The following MPP4 variants were observed in gnomAD, a reference collection of about 807,000 sequenced individuals.
MPP4 encodes MAGUK p55 scaffold protein 4, also known as MAGUK p55 subfamily member 4.
In MPP4, 91 loss-of-function variants were observed where a neutral mutation model predicts 98.3. That is an observed-to-expected ratio of 0.93 (90% CI 0.78 to 1.10). The LOEUF (loss-of-function observed/expected upper bound fraction) is 1.10, where lower values mean the gene tolerates loss of function less well. Among genes scored for constraint, MPP4 ranks in the 50% least tolerant of loss-of-function variants. The pLI, the probability that MPP4 is intolerant of heterozygous loss-of-function variation, is 0.00. For synonymous variants in MPP4, 261 were observed against 271.8 expected, an observed-to-expected ratio of 0.96 and a Z score of 0.39; for missense variants, 744 against 792.9, an observed-to-expected ratio of 0.94 and a Z score of 0.74.
chr2:201,645,103 T>C lies in MPP4; in HGVS notation c.*107A>G. The C allele has an allele frequency of 2.5e-5, 24 of 957,072 alleles. No individual in the cohort carries two copies. Among genetic ancestry groups the C allele is most frequent in the Non-Finnish European group, 3.4e-5 (24 of 703,430 alleles). 59.3% of individuals were successfully genotyped at this position (957,072 alleles called of 1,614,324 possible). On this transcript the variant is annotated 3_prime_UTR_variant, in exon 22 of 22. Transcript: ENST00000409474. ...ATTAATTAATAAATTGCTGCACTTT[T>C]AAAGTTGTACACATTAAAATGGGTC...
In MPP4 at chr2:201,664,065, C is replaced by T; in HGVS notation, c.1072+16G>A. On this transcript the variant is annotated intron_variant, in intron 14 of 21. Transcript: ENST00000409474. The stretch of plus-strand genomic sequence containing the variant: ...TACATTTAAAAATCAGTACCAAATA[C>T]TCATTTTTTACTTACCAGATTCAAA... The T allele has an allele frequency of 6.7e-7, 1 of 1,498,776 alleles. No individual in the cohort carries two copies. Among genetic ancestry groups the T allele is most frequent in the Non-Finnish European group, 9.0e-7 (1 of 1,105,478 alleles). The allele number at this position is 1,498,776 out of a possible 1,614,324, so 92.8% of individuals were successfully genotyped here.
In MPP4 at chr2:201,645,338, C is replaced by CA. The variant is rs777782740; in HGVS notation, c.1785dup (p.Asp596Ter). 2 of 1,613,908 alleles carry CA rather than the reference C, an allele frequency of 1.2e-6. No homozygotes were observed. Among genetic ancestry groups the CA allele is most frequent in the East Asian group, 2.2e-5 (1 of 44,876 alleles). ...AAGCTGTCATTCACAATCACATGAT[C>CA]AAAAAATTGGCCAAACTGAGTTTCC... On this transcript the variant is annotated frameshift_variant, in exon 22 of 22. Transcript: ENST00000409474. LOFTEE classifies it high-confidence loss of function.
At position 201,649,696 on chromosome 2, in the gene MPP4, G is replaced by C. The variant is rs774908361; in HGVS notation, c.1476-12C>G. ...CATACTCCAGCATCCTGCAAGAGCA[G>C]GCCAAACAAAACAGAACACTTTCTA... On this transcript the variant is annotated splice_polypyrimidine_tract_variant and intron_variant, in intron 19 of 21. Coordinates refer to ENST00000409474, the MANE Select transcript of MPP4 (RefSeq NM_033066.3). 1.1e-5 allele frequency: 17 copies of C among 1,586,326 alleles called. No homozygotes were observed. The highest frequency in any genetic ancestry group is 1.4e-5 in the Non-Finnish European group (16 of 1,159,860).
chr2:201,676,694 G>A (rs1399008470), intron 10 of MPP4, among the ~76,000 whole-genome samples: 3 of 152,214 alleles, frequency 2.0e-5, no homozygotes, highest in African/African-American at 7.2e-5. Context: ...GAGGTCAGGA[G>A]TTCGAGACCA....
At chr2:201,664,450 G>A (rs1467822266) in intron 13 of MPP4, 7 of 1,050,296 alleles carry the variant, frequency 6.7e-6, no homozygotes, top group African/African-American at 5.0e-5. Flanking sequence ...GATACTGCTC[G>A]GCTTTGCTGC....
chr2:201,666,393 G>A (rs1397490802), intron 12 of MPP4, 21 bp from the exon 13 acceptor site: 1 of 1,517,666 alleles, frequency 6.6e-7, no homozygotes, highest in Non-Finnish European at 8.9e-7. Flanking sequence ...GTATAGAAAG[G>A]GAGAAACAGA....
intron 1 of MPP4, chr2:201,697,960 T>C: frequency 1.0e-6 from 1 of 985,428 alleles, no homozygotes; most frequent in South Asian, 4.7e-5. Flanking sequence ...TGTACCAAAT[T>C]TGTCAGTTGA....
At chr2:201,659,004 T>C (rs1031645731) in intron 15 of MPP4, among the ~76,000 whole-genome samples, 10 of 152,134 alleles carry the variant, frequency 6.6e-5, no homozygotes, top group African/African-American at 2.2e-4. Context: ...CAAGTGATTC[T>C]CCTGCCTCAG....
rs561883403 is a variant in MPP4, at chr2:201,680,523, T to A, written c.929+315A>T. 128 of 237,034 alleles carry A rather than the reference T, an allele frequency of 5.4e-4. 1 individual carries two copies. The highest frequency in any genetic ancestry group is 2.8e-3 in the African/African-American group (125 of 45,188). 14.7% of individuals were successfully genotyped at this position (237,034 alleles called of 1,614,324 possible). ...TAAAGGCCCCGCCTCTTAATACTAT[T>A]GCATTGGGGATTAGGTCTCAACATA... On this transcript the variant is annotated intron_variant, in intron 10 of 21. Coordinates refer to ENST00000409474, the MANE Select transcript of MPP4 (RefSeq NM_033066.3).
At chr2:201,647,617 G>T in intron 21 of MPP4, 74 bp downstream of exon 21, 1 of 1,518,888 alleles carries the variant, frequency 6.6e-7, no homozygotes, top group Non-Finnish European at 9.0e-7. Context: ...AGAGATCCTT[G>T]GCCCAGCCCA....
intron 14 of MPP4, among the ~76,000 whole-genome samples, chr2:201,661,220 CT>C (rs11400020): frequency 2.1e-3 from 299 of 140,616 alleles, no homozygotes; most frequent in Non-Finnish European, 2.6e-3. Context: ...CATATCCAGC[CT>C]TTTTTTTTTT....
chr2:201,696,729 A>G (rs1034837619), intron 1 of MPP4, among the ~76,000 whole-genome samples: 1 of 152,222 alleles, frequency 6.6e-6, no homozygotes, highest in Non-Finnish European at 1.5e-5. Flanking sequence ...AGTGAATGCA[A>G]TGGTTAAAAT....
In MPP4 at chr2:201,658,528, A is replaced by G. The variant is rs752328954; in HGVS notation, c.1088-10T>C. On this transcript the variant is annotated splice_polypyrimidine_tract_variant and intron_variant, in intron 15 of 21. Transcript: ENST00000409474. Reference sequence around the variant, plus strand: ...ACAAACTCCTCCTTGTCTGAAACACAAAGAACAGATGGAGCAGAATATGTG... The same window carrying G: ...ACAAACTCCTCCTTGTCTGAAACACGAAGAACAGATGGAGCAGAATATGTG... The G allele has an allele frequency of 1.2e-6, 2 of 1,611,674 alleles. No individual in the cohort carries two copies. The highest frequency in any genetic ancestry group is 1.7e-6 in the Non-Finnish European group (2 of 1,178,942).
At chr2:201,664,345 A>AAATAAAATAATAGAAGGTG (rs1688108226) in intron 13 of MPP4, 1 of 1,406,166 alleles carries the variant, frequency 7.1e-7, no homozygotes, top group African/African-American at 1.4e-5. Context: ...AGCTCAAAAT[A>AAATAAAATAATAGAAGGTG]AATAAAATAA....
intron 15 of MPP4, among the ~76,000 whole-genome samples, chr2:201,659,218 T>C (rs1003105463): frequency 6.6e-6 from 1 of 152,096 alleles, no homozygotes; most frequent in African/African-American, 2.4e-5. Flanking sequence ...GTTTATAATT[T>C]TTTTTTTCTG....
intron 11 of MPP4, among the ~76,000 whole-genome samples, chr2:201,674,750 G>A (rs1482285596): frequency 6.6e-6 from 1 of 152,148 alleles, no homozygotes; most frequent in Non-Finnish European, 1.5e-5. Flanking sequence ...CCTGAATTCT[G>A]CTAAGGTGTA....
intron 12 of MPP4, among the ~76,000 whole-genome samples, chr2:201,668,299 G>A (rs998532585): frequency 8.5e-5 from 13 of 152,102 alleles, no homozygotes; most frequent in Non-Finnish European, 1.6e-4. Context: ...ATATGTTGAA[G>A]CCCTTGCCCT....
At chr2:201,675,411 G>C in intron 10 of MPP4, 140 bp from the exon 11 acceptor site, 1 of 804,372 alleles carries the variant, frequency 1.2e-6, no homozygotes, top group African/African-American at 1.7e-5. Context: ...AAGGGTGATT[G>C]CTTCTCCAAA....
At position 201,647,723 on chromosome 2, in the gene MPP4, T is replaced by C. The variant is rs780082826; in HGVS notation, c.1687A>G (p.Ile563Val). ...TTCATGTCCACATAGTAGTCAGTAA[T>C]AACCTTGGCATTTTTCCGAGATTGT... ...MKQSRKNAKV[I>V]TDYYVDMKFK... Residue 563 changes from isoleucine (I) to valine (V), a missense_variant, in exon 21 of 22, where the codon ATT becomes GTT. Coordinates refer to ENST00000409474, the MANE Select transcript of MPP4 (RefSeq NM_033066.3). 1.9e-6 allele frequency: 3 copies of C among 1,613,948 alleles called. No homozygotes were observed. Among genetic ancestry groups the C allele is most frequent in the Non-Finnish European group, 2.5e-6 (3 of 1,179,846 alleles).
Sources: gnomAD v4.1 joint callset for allele counts (sites outside exome capture counted in the v4.1 genomes callset) on GRCh38, gnomAD v4.1.1 for gene constraint, MANE v1.5 for transcripts, NCBI Gene and HGNC (gene_info 2026-07-23, HGNC 2026-07-21) for gene names.